ELP4: variants seen among roughly 807,000 people sequenced by gnomAD.
ELP4 encodes elongator acetyltransferase complex subunit 4.
ELP4 carries 51 observed loss-of-function variants against 48.9 expected under a neutral mutation model. The ratio of observed to expected loss-of-function variants is 1.04; its 90% CI spans 0.83 to 1.32. The LOEUF (loss-of-function observed/expected upper bound fraction) is 1.32. Ranked by LOEUF, ELP4 falls within the 40% of genes most tolerant of loss-of-function variation. ELP4 has a pLI of 0.00. For synonymous variants in ELP4, 210 were observed against 189.2 expected (o/e 1.11, Z -0.90); for missense variants, 519 against 514.6 (o/e 1.01, Z -0.08).
intron 5 of ELP4, among the ~76,000 whole-genome samples, chr11:31,616,365 A>G (rs867341646): frequency 6.6e-6 from 1 of 152,060 alleles, no homozygotes; most frequent in Non-Finnish European, 1.5e-5. Context: ...GGGTATCTAC[A>G]TGCAAAAAAA....
intron 2 of ELP4, among the ~76,000 whole-genome samples, chr11:31,531,830 G>C (rs991093191): frequency 6.6e-6 from 1 of 152,130 alleles, no homozygotes; most frequent in Non-Finnish European, 1.5e-5. Flanking sequence ...TTGGAGGGAG[G>C]AGTAAGGTTA....
chr11:31,694,281 T>A (rs1946350343), intron 9 of ELP4, among the ~76,000 whole-genome samples: 1 of 152,126 alleles, frequency 6.6e-6, no homozygotes, highest in East Asian at 1.9e-4. Context: ...TCTTCTAGGG[T>A]TTTTATGGTT....
chr11:31,526,562 T>C (rs1956298536), intron 2 of ELP4, among the ~76,000 whole-genome samples: 1 of 151,916 alleles, frequency 6.6e-6, no homozygotes, highest in Non-Finnish European at 1.5e-5. Flanking sequence ...TTTATCCTAA[T>C]CCTCTGAAAT....
intron 9 of ELP4, among the ~76,000 whole-genome samples, chr11:31,678,732 G>A (rs1029650100): frequency 3.2e-4 from 49 of 152,096 alleles, no homozygotes; most frequent in African/African-American, 1.1e-3. Flanking sequence ...CCGTGTGCAG[G>A]TTTTTATGTG....
At position 31,647,850 on chromosome 11, in the gene ELP4, G is replaced by T. The variant is rs1450935628; in HGVS notation, c.1036+1G>T. The stretch of plus-strand genomic sequence containing the variant: ...AACCCATTGTATAAGGATTATCATG[G>T]TAAGTACAACCTTCATAATGAGAAG... On this transcript the variant is annotated splice_donor_variant, in intron 8 of 9. Transcript: ENST00000640961. LOFTEE classifies it high-confidence loss of function. The T allele has an allele frequency of 6.5e-7, 1 of 1,549,368 alleles. No homozygotes were observed. The highest frequency in any genetic ancestry group is 1.7e-5 in the Admixed American group (1 of 59,630).
chr11:31,526,261 C>T (rs995770794), intron 2 of ELP4, among the ~76,000 whole-genome samples: 1 of 152,098 alleles, frequency 6.6e-6, no homozygotes, highest in African/African-American at 2.4e-5. Context: ...TATACTAAAA[C>T]ATGATAACTT....
At position 31,785,434 on chromosome 11, in the gene ELP4, G is replaced by A. The variant is rs769748376; in HGVS notation, c.*1910G>A. ...ATTGATATACTTCCCTGGCTACCAT[G>A]TCTATAAAATTAACAGCCAATTACT... On this transcript the variant is annotated 3_prime_UTR_variant, in exon 10 of 10. Coordinates refer to ENST00000640961, the MANE Select transcript of ELP4 (RefSeq NM_019040.5). The A allele has an allele frequency of 2.1e-5, 4 of 186,468 alleles. No individual in the cohort carries two copies. Among genetic ancestry groups the A allele is most frequent in the Non-Finnish European group, 3.4e-5 (3 of 88,296 alleles). 11.6% of individuals were successfully genotyped at this position (186,468 alleles called of 1,614,324 possible).
intron 3 of ELP4, among the ~76,000 whole-genome samples, chr11:31,570,839 G>T (rs567974832): frequency 8.3e-6 from 1 of 121,074 alleles, no homozygotes; most frequent in East Asian, 2.4e-4. Context: ...TCACTCTGTC[G>T]CCCATGCTGG....
chr11:31,758,502 A>G (rs1947877997), intron 9 of ELP4, among the ~76,000 whole-genome samples: 1 of 152,210 alleles, frequency 6.6e-6, no homozygotes, highest in Non-Finnish European at 1.5e-5. Context: ...TATTATGACC[A>G]TGGACGTTGT....
At chr11:31,638,873 T>C (rs1314854309) in intron 7 of ELP4, among the ~76,000 whole-genome samples, 2 of 151,890 alleles carry the variant, frequency 1.3e-5, no homozygotes, top group Non-Finnish European at 2.9e-5. Context: ...TTTCTCTCAG[T>C]GTGAAATCTT....
In ELP4 at chr11:31,710,624, GA is replaced by G. The variant is rs757991878; in HGVS notation, c.1143+60418del. 4.2e-3 allele frequency among the ~76,000 whole-genome samples: 467 copies of G among 110,118 alleles called. 1 individual carries two copies. The highest frequency in any genetic ancestry group is 0.022 in the Middle Eastern group (5 of 228). The allele number at this position is 110,118 out of a possible 152,430, so 72.2% of individuals were successfully genotyped here. A position where few individuals can be genotyped will look rare whatever the true frequency, so the allele number is the denominator to read the frequency against. ...TAGGTGACAGACAGAGACCCCATCT[GA>G]AAAAAAAAAAAAAAGATATGAAATA... On this transcript the variant is annotated intron_variant, in intron 9 of 9. Coordinates refer to ENST00000640961, the MANE Select transcript of ELP4 (RefSeq NM_019040.5).
rs547476270 is a variant in ELP4 at position 31,585,576 on chromosome 11, C to T, written c.382-9194C>T. ...CATCAATCTGAAAGAAAACGTAACC[C>T]AAGAACACAAGGAAATTCCTCCGTA... On this transcript the variant is annotated intron_variant, in intron 3 of 9. Transcript: ENST00000640961. Among the ~76,000 whole-genome samples the T allele has an allele frequency of 1.4e-4, 22 of 152,094 alleles. No individual in the cohort carries two copies. In the South Asian group the frequency reaches 4.4e-3, roughly 30 times the overall value.
intron 9 of ELP4, among the ~76,000 whole-genome samples, chr11:31,674,870 A>G (rs1945886632): frequency 6.6e-6 from 1 of 152,232 alleles, no homozygotes; most frequent in Non-Finnish European, 1.5e-5. Flanking sequence ...TAGTAAAACA[A>G]AACTGAATGT....
chr11:31,625,232 C>T (rs1026988113), intron 5 of ELP4, among the ~76,000 whole-genome samples: 1 of 151,596 alleles, frequency 6.6e-6, no homozygotes, highest in African/African-American at 2.4e-5. Context: ...TTTTTCAATT[C>T]TATTACAATC....
At chr11:31,526,328 T>C (rs1956294625) in intron 2 of ELP4, among the ~76,000 whole-genome samples, 1 of 152,090 alleles carries the variant, frequency 6.6e-6, no homozygotes, top group Non-Finnish European at 1.5e-5. Context: ...ATTGCTGCCA[T>C]ATATTGACTT....
chr11:31,736,267 A>T (rs1486403089), intron 9 of ELP4, among the ~76,000 whole-genome samples: 1 of 152,222 alleles, frequency 6.6e-6, no homozygotes, highest in African/African-American at 2.4e-5. Context: ...AAAACTTGCT[A>T]GCCATATGTA....
chr11:31,729,661 A>G lies in ELP4; in HGVS notation c.1144-53732A>G, dbSNP rs533212704. Among the ~76,000 whole-genome samples, 24 of 152,336 alleles carry G rather than the reference A, an allele frequency of 1.6e-4. 1 individual carries two copies. In the South Asian group the frequency reaches 4.8e-3, roughly 30 times the overall value. ...TTAATAAATTAACCCATTTACTACTATACTCCAAAAACTGATTGCCATCTT... is the reference window on the plus strand; with the variant it reads ...TTAATAAATTAACCCATTTACTACTGTACTCCAAAAACTGATTGCCATCTT... On this transcript the variant is annotated intron_variant, in intron 9 of 9. Transcript: ENST00000640961.
At chr11:31,662,780 A>G (rs1405243515) in intron 9 of ELP4, 2 of 385,056 alleles carry the variant, frequency 5.2e-6, no homozygotes, top group Non-Finnish European at 9.2e-6. Flanking sequence ...GTCTTTGACA[A>G]AATACCTAGA....
intron 9 of ELP4, among the ~76,000 whole-genome samples, chr11:31,657,405 A>G (rs1945460095): frequency 6.6e-6 from 1 of 151,960 alleles, no homozygotes; most frequent in South Asian, 2.1e-4. Context: ...ATTGTCCATT[A>G]GTTTATTTGT....
Sources: allele counts gnomAD v4.1 joint callset (sites outside exome capture counted in the v4.1 genomes callset), GRCh38; gene constraint gnomAD v4.1.1; transcripts MANE v1.5; gene names NCBI Gene and HGNC (gene_info 2026-07-23, HGNC 2026-07-21).